PRKAR2B: variants seen among roughly 807,000 people sequenced by gnomAD.
The protein encoded by PRKAR2B is cAMP-dependent protein kinase type II-beta regulatory subunit.
Under a neutral mutation model 49.9 loss-of-function variants are expected in PRKAR2B, and 14 were observed. The observed-to-expected ratio is 0.28, with a 90% confidence interval of 0.19 to 0.44. The LOEUF (loss-of-function observed/expected upper bound fraction) is 0.44, where lower values mean the gene tolerates loss of function less well. Among genes scored for constraint, PRKAR2B ranks in the 20% least tolerant of loss-of-function variants. The pLI, the probability that PRKAR2B is intolerant of heterozygous loss-of-function variation, is 1.00. For missense variants in PRKAR2B, 393 were observed against 537.9 expected (o/e 0.73, Z 2.67); for synonymous variants, 196 against 197.7 (o/e 0.99, Z 0.07).
chr7:107,144,564 G>A (rs982943172), intron 5 of PRKAR2B, among the ~76,000 whole-genome samples: 3 of 151,968 alleles, frequency 2.0e-5, no homozygotes, highest in East Asian at 1.9e-4. Context: ...GGGCCCAAGC[G>A]ATCCTCTTGC....
chr7:107,130,464 C>T (rs1442521545), intron 4 of PRKAR2B, among the ~76,000 whole-genome samples: 1 of 151,910 alleles, frequency 6.6e-6, no homozygotes, highest in Non-Finnish European at 1.5e-5. Flanking sequence ...GAGATCACAC[C>T]ACTGCACTCC....
intron 2 of PRKAR2B, among the ~76,000 whole-genome samples, chr7:107,090,057 G>GAATTCTC (rs1794706190): frequency 6.6e-6 from 1 of 152,188 alleles, no homozygotes. Flanking sequence ...CTTAACATCT[G>GAATTCTC]AATTCTCTTT....
chr7:107,055,977 T>G (rs1415347248), intron 1 of PRKAR2B, among the ~76,000 whole-genome samples: 1 of 152,246 alleles, frequency 6.6e-6, no homozygotes, highest in Non-Finnish European at 1.5e-5. Flanking sequence ...TAATCCATCT[T>G]GAATTAATTT....
chr7:107,117,552 C>T (rs987824829), intron 2 of PRKAR2B, among the ~76,000 whole-genome samples: 3 of 152,138 alleles, frequency 2.0e-5, no homozygotes, highest in African/African-American at 7.2e-5. Flanking sequence ...GCTGAGGACC[C>T]AGTGAATCGT....
At chr7:107,109,304 G>A (rs927634884) in intron 2 of PRKAR2B, among the ~76,000 whole-genome samples, 1 of 152,042 alleles carries the variant, frequency 6.6e-6, no homozygotes, top group African/African-American at 2.4e-5. Flanking sequence ...TTGTTGCCCA[G>A]GCTGGTGTGC....
chr7:107,149,379 C>T (rs1048719553), intron 6 of PRKAR2B, among the ~76,000 whole-genome samples: 1 of 152,072 alleles, frequency 6.6e-6, no homozygotes, highest in African/African-American at 2.4e-5. Flanking sequence ...GTGGCTTAAG[C>T]AGCATACATT....
At chr7:107,051,605 T>G (rs1253992347) in intron 1 of PRKAR2B, among the ~76,000 whole-genome samples, 1 of 152,198 alleles carries the variant, frequency 6.6e-6, no homozygotes, top group Non-Finnish European at 1.5e-5. Flanking sequence ...GGAAAGAATT[T>G]GAGCTAAAAT....
At chr7:107,149,618 T>G (rs1343947575) in intron 6 of PRKAR2B, among the ~76,000 whole-genome samples, 1 of 152,108 alleles carries the variant, frequency 6.6e-6, no homozygotes, top group Non-Finnish European at 1.5e-5. Flanking sequence ...CACCACCTAA[T>G]ACTATCCTGG....
chr7:107,045,953 G>T (rs1043242690), intron 1 of PRKAR2B, among the ~76,000 whole-genome samples: 2 of 152,174 alleles, frequency 1.3e-5, no homozygotes, highest in Non-Finnish European at 2.9e-5. Flanking sequence ...TTTTAAAAGT[G>T]TATGAGAAAA....
intron 5 of PRKAR2B, among the ~76,000 whole-genome samples, chr7:107,142,914 C>T (rs992353535): frequency 2.0e-5 from 3 of 152,120 alleles, no homozygotes; most frequent in East Asian, 3.9e-4. Flanking sequence ...AGGTACCCGC[C>T]ACCACACCCA....
At chr7:107,119,407 T>C (rs1388319576) in intron 2 of PRKAR2B, among the ~76,000 whole-genome samples, 3 of 152,210 alleles carry the variant, frequency 2.0e-5, no homozygotes, top group African/African-American at 7.2e-5. Flanking sequence ...TTTTTGAAGA[T>C]GGGGCCCATA....
intron 5 of PRKAR2B, among the ~76,000 whole-genome samples, chr7:107,142,475 C>T (rs1795805895): frequency 1.3e-5 from 2 of 152,216 alleles, no homozygotes; most frequent in Non-Finnish European, 2.9e-5. Context: ...AGCCCTAACC[C>T]TCTATGATCT....
chr7:107,124,617 G>A (rs1050435908), intron 3 of PRKAR2B, among the ~76,000 whole-genome samples: 7 of 152,006 alleles, frequency 4.6e-5, no homozygotes, highest in African/African-American at 9.7e-5. Context: ...ATGGGGTTTC[G>A]CCCTGTTGGC....
rs1794961901 is a variant in PRKAR2B, at chr7:107,101,298, A to G, written c.344-20654A>G. On this transcript the variant is annotated intron_variant, in intron 2 of 10. Transcript: ENST00000265717. The stretch of plus-strand genomic sequence containing the variant: ...CCTGTATCTTCGTGATGCAGTGACC[A>G]GTGGTTGGTCAGATTATAAGGGCAA... 2.0e-5 allele frequency among the ~76,000 whole-genome samples: 3 copies of G among 152,052 alleles called. No individual in the cohort carries two copies. In the South Asian group the frequency reaches 6.2e-4, roughly 32 times the overall value.
intron 2 of PRKAR2B, among the ~76,000 whole-genome samples, chr7:107,072,328 G>A (rs1794296119): frequency 1.3e-5 from 2 of 152,042 alleles, no homozygotes; most frequent in South Asian, 4.2e-4. Flanking sequence ...AATATAATAT[G>A]CTGGAAACCA....
chr7:107,101,240 T>C (rs912858469), intron 2 of PRKAR2B, among the ~76,000 whole-genome samples: 3 of 151,988 alleles, frequency 2.0e-5, no homozygotes, highest in Admixed American at 6.6e-5. Context: ...TTTGTTTGTT[T>C]TTATTTTTAA....
intron 2 of PRKAR2B, among the ~76,000 whole-genome samples, chr7:107,111,578 G>GTC (rs1480212939): frequency 6.6e-6 from 1 of 152,140 alleles, no homozygotes; most frequent in Non-Finnish European, 1.5e-5. Context: ...GAGAACAAGA[G>GTC]TCTCTGCCTG....
chr7:107,092,036 A>G (rs1794740340), intron 2 of PRKAR2B, among the ~76,000 whole-genome samples: 1 of 152,160 alleles, frequency 6.6e-6, no homozygotes, highest in Admixed American at 6.6e-5. Context: ...TGGAAGGAAT[A>G]AATTTCCAAT....
At chr7:107,074,421 A>G (rs1320656374) in intron 2 of PRKAR2B, among the ~76,000 whole-genome samples, 1 of 152,152 alleles carries the variant, frequency 6.6e-6, no homozygotes, top group Non-Finnish European at 1.5e-5. Flanking sequence ...CCATTTTACA[A>G]TATGGGCTTT....
Sources: allele counts gnomAD v4.1 joint callset (sites outside exome capture counted in the v4.1 genomes callset), GRCh38; gene constraint gnomAD v4.1.1; transcripts MANE v1.5; gene names NCBI Gene and HGNC (gene_info 2026-07-23, HGNC 2026-07-21).